CYP4X1: variants seen among roughly 807,000 people sequenced by gnomAD.
CYP4X1 encodes cytochrome P450 4X1.
In CYP4X1, 44 loss-of-function variants were observed where a neutral mutation model predicts 57.9. The observed-to-expected ratio is 0.76, with a 90% confidence interval of 0.60 to 0.98. CYP4X1 has a LOEUF of 0.98. CYP4X1 is among the 50% of genes least tolerant of loss of function. The probability of loss-of-function intolerance (pLI) is 0.00; values close to 1 mark genes in which losing one functional copy is unlikely to be tolerated. For synonymous variants in CYP4X1, 227 were observed against 228.6 expected (o/e 0.99, Z 0.06); for missense variants, 532 against 623.9 (o/e 0.85, Z 1.57).
chr1:46,967,708 AC>A, the CYP4X1 span: 1 of 967,922 alleles, frequency 1.0e-6, no homozygotes, highest in Non-Finnish European at 1.4e-6. Flanking sequence ...ATGGTTAGGG[AC>A]CCTCCTGAGA....
the CYP4X1 span, chr1:46,967,713 C>A: frequency 7.8e-6 from 8 of 1,025,040 alleles, no homozygotes; most frequent in South Asian, 2.8e-5. Flanking sequence ...TAGGGACCCT[C>A]CTGAGATGCA....
At chr1:46,969,775 A>T in the CYP4X1 span, among the ~76,000 whole-genome samples, 1 of 152,202 alleles carries the variant, frequency 6.6e-6, no homozygotes, top group Non-Finnish European at 1.5e-5. Flanking sequence ...GCCTTTCCCC[A>T]CAGTCAGTTT....
chr1:46,995,132 C>T, the CYP4X1 span, among the ~76,000 whole-genome samples: 4 of 152,086 alleles, frequency 2.6e-5, no homozygotes, highest in Admixed American at 2.6e-4. Flanking sequence ...ACTCAGGAGC[C>T]TCAAGCCTCA....
the CYP4X1 span, among the ~76,000 whole-genome samples, chr1:47,009,651 G>T: frequency 0.031 from 4,740 of 152,124 alleles, 153 homozygotes; most frequent in African/African-American, 0.079. Flanking sequence ...CAACAAAATT[G>T]ATAGACCACT....
At chr1:47,039,622 C>T in intron 8 of CYP4X1, 90 bp downstream of exon 8, 6 of 1,019,148 alleles carry the variant, frequency 5.9e-6, no homozygotes, top group Non-Finnish European at 8.3e-6. Flanking sequence ...ACCCTAGTGC[C>T]TCAGGATATG....
chr1:47,012,070 A>G, the CYP4X1 span, among the ~76,000 whole-genome samples: 1 of 152,254 alleles, frequency 6.6e-6, no homozygotes, highest in Admixed American at 6.5e-5. Context: ...TATATACCCA[A>G]AGGATTATAA....
chr1:47,051,129 A>G (rs1177948925), downstream of CYP4X1, among the ~76,000 whole-genome samples: 1 of 152,256 alleles, frequency 6.6e-6, no homozygotes, highest in Non-Finnish European at 1.5e-5. Context: ...CACATGAAAA[A>G]ATGCCTATCG....
intron 1 of CYP4X1, among the ~76,000 whole-genome samples, chr1:47,029,576 G>A (rs1171742836): frequency 6.6e-6 from 1 of 152,162 alleles, no homozygotes; most frequent in African/African-American, 2.4e-5. Context: ...GAAATGGTGA[G>A]CTGGATGTAG....
chr1:46,972,692 T>C, the CYP4X1 span, among the ~76,000 whole-genome samples: 1 of 152,138 alleles, frequency 6.6e-6, no homozygotes. Flanking sequence ...ATTCTTTTTG[T>C]GGCTATTGTG....
intron 3 of CYP4X1, 84 bp from the exon 4 acceptor site, chr1:47,033,157 T>A: frequency 6.7e-7 from 1 of 1,493,852 alleles, no homozygotes; most frequent in Non-Finnish European, 9.1e-7. Flanking sequence ...GGGTCATGGT[T>A]ACTCCACGCT....
chr1:47,052,605 A>G (rs956140502), downstream of CYP4X1, among the ~76,000 whole-genome samples: 1 of 152,150 alleles, frequency 6.6e-6, no homozygotes, highest in Non-Finnish European at 1.5e-5. Context: ...CAAACATAGC[A>G]TATTTATTGG....
intron 6 of CYP4X1, among the ~76,000 whole-genome samples, chr1:47,036,704 C>T (rs1644187572): frequency 6.6e-6 from 1 of 152,136 alleles, no homozygotes; most frequent in Non-Finnish European, 1.5e-5. Flanking sequence ...ATTAATCCTT[C>T]ATCAGCTTCA....
chr1:47,023,945 T>TGCGCCCCTTCCCA lies in CYP4X1; in HGVS notation c.136_148dup (p.Pro50LeufsTer19), dbSNP rs771694180. The TGCGCCCCTTCCCA allele has an allele frequency of 2.2e-5, 36 of 1,613,200 alleles. No individual in the cohort carries two copies. Among genetic ancestry groups the TGCGCCCCTTCCCA allele is most frequent in the Admixed American group, 1.5e-4 (9 of 59,992 alleles). ...CGGAGGCAGCGGCTGCTGCGGGACC[T>TGCGCCCCTTCCCA]GCGCCCCTTCCCAGCGCCCCCCACC... On this transcript the variant is annotated frameshift_variant, in exon 1 of 12. Coordinates refer to ENST00000371901, the MANE Select transcript of CYP4X1 (RefSeq NM_178033.2). LOFTEE classifies it high-confidence loss of function.
chr1:47,029,344 TGGTAGTATTTGCACTCTC>T (rs1332598510), intron 1 of CYP4X1, among the ~76,000 whole-genome samples: 1 of 152,190 alleles, frequency 6.6e-6, no homozygotes, highest in African/African-American at 2.4e-5. Flanking sequence ...CCTTCTCTGG[TGGTAGTATTTGCACTCTC>T]ATTTGTAAAT....
the CYP4X1 span, among the ~76,000 whole-genome samples, chr1:46,975,745 A>G: frequency 1.3e-5 from 2 of 152,128 alleles, no homozygotes; most frequent in African/African-American, 2.4e-5. Flanking sequence ...TGTGAACAAT[A>G]TTCTCAAATA....
the CYP4X1 span, among the ~76,000 whole-genome samples, chr1:46,995,950 A>G: frequency 1.3e-5 from 2 of 152,224 alleles, no homozygotes; most frequent in Non-Finnish European, 2.9e-5. Flanking sequence ...CCCCTGAGAT[A>G]CAGCAGCAGA....
chr1:47,013,449 G>GTA, the CYP4X1 span, among the ~76,000 whole-genome samples: 2 of 152,166 alleles, frequency 1.3e-5, no homozygotes, highest in Non-Finnish European at 2.9e-5. Flanking sequence ...CTGGCACATA[G>GTA]TAAGAGTTCA....
At chr1:46,975,420 T>C in the CYP4X1 span, among the ~76,000 whole-genome samples, 4 of 152,214 alleles carry the variant, frequency 2.6e-5, no homozygotes, top group African/African-American at 9.7e-5. Context: ...CTTTTGCTTA[T>C]GAAGCTTAGT....
the CYP4X1 span, among the ~76,000 whole-genome samples, chr1:46,999,420 C>CTTATTT: frequency 6.6e-6 from 1 of 151,958 alleles, no homozygotes; most frequent in Non-Finnish European, 1.5e-5. Context: ...TGTAATGTTA[C>CTTATTT]CTTTGTTATT....
Sources: gnomAD v4.1 joint callset for allele counts (sites outside exome capture counted in the v4.1 genomes callset) on GRCh38, gnomAD v4.1.1 for gene constraint, MANE v1.5 for transcripts, NCBI Gene and HGNC (gene_info 2026-07-23, HGNC 2026-07-21) for gene names.